The following MINK1 variants were observed in gnomAD, a reference collection of about 807,000 sequenced individuals.
The protein encoded by MINK1 is misshapen-like kinase 1.
Under a neutral mutation model 178.4 loss-of-function variants are expected in MINK1, and 46 were observed. The observed-to-expected ratio is 0.26, with a 90% CI of 0.20 to 0.33. MINK1 has a LOEUF of 0.33. Among genes scored for constraint, MINK1 ranks in the 10% least tolerant of loss-of-function variants. The pLI, the probability that MINK1 is intolerant of heterozygous loss-of-function variation, is 1.00. For missense variants in MINK1, 1,366 were observed against 1,814.9 expected, an observed-to-expected ratio of 0.75 and a Z score of 4.49; for synonymous variants, 797 against 709.7, an observed-to-expected ratio of 1.12 and a Z score of -1.96.
At chr17:4,848,258 C>T (rs1295025365) in intron 1 of MINK1, among the ~76,000 whole-genome samples, 6 of 152,288 alleles carry the variant, frequency 3.9e-5, no homozygotes, top group Middle Eastern at 3.4e-3. Flanking sequence ...TTCCCCATCG[C>T]TCCCTGCAAC....
intron 1 of MINK1, among the ~76,000 whole-genome samples, chr17:4,876,202 C>G (rs7207715): frequency 0.059 from 9,002 of 152,184 alleles, 834 homozygotes; most frequent in African/African-American, 0.2. Flanking sequence ...AGAAGGAACC[C>G]CCTTCAGCTG....
Position 4,877,414 on chromosome 17 carries a change from G to A in MINK1, c.58-903G>A, listed in dbSNP as rs151108785. Among the ~76,000 whole-genome samples the A allele has an allele frequency of 3.7e-4, 57 of 152,248 alleles. 1 individual carries two copies. In the East Asian group the frequency reaches 0.011, roughly 29 times the overall value. On this transcript the variant is annotated intron_variant, in intron 1 of 31. Transcript: ENST00000355280. ...CAGAGGCCCTTTCTCACCATCACCT[G>A]CTGACTCCCTCCGTCCAGGTCCCTT...
rs1027400120 is a variant in MINK1, at chr17:4,887,592, C to T, written c.1032C>T (p.Asn344=). ...CACCCCTGCCCAGCTCCATCATGAA[C>T]GTGCCTGGAGAGTCGACTCTACGCC... The part of the protein sequence containing the change: ...GEEGEPSSIM[N]VPGESTLRRE... Residue 344 remains asparagine, a synonymous_variant, in exon 12 of 32, where the codon AAC becomes AAT. Transcript: ENST00000355280. This position sits in a 1 kb window ranked among gnomAD's most constrained non-coding sequence, Gnocchi z 7.6. The T allele has an allele frequency of 2.6e-6, 4 of 1,532,226 alleles. No individual in the cohort carries two copies. The highest frequency in any genetic ancestry group is 1.4e-5 in the African/African-American group (1 of 71,980). 94.9% of individuals were successfully genotyped at this position (1,532,226 alleles called of 1,614,324 possible).
At chr17:4,847,581 C>G (rs953654016) in intron 1 of MINK1, among the ~76,000 whole-genome samples, 1 of 152,194 alleles carries the variant, frequency 6.6e-6, no homozygotes, top group Non-Finnish European at 1.5e-5. Context: ...AGCCCCCTGT[C>G]ATAGAGGTCA....
intron 1 of MINK1, among the ~76,000 whole-genome samples, chr17:4,871,529 C>G (rs778392616): frequency 5.3e-5 from 8 of 152,022 alleles, no homozygotes; most frequent in Admixed American, 2.0e-4. Context: ...CTTTTTATTG[C>G]CAATATCATT....
intron 1 of MINK1, among the ~76,000 whole-genome samples, chr17:4,847,756 G>A (rs930970770): frequency 6.6e-6 from 1 of 152,110 alleles, no homozygotes; most frequent in South Asian, 2.1e-4. Context: ...CAGGGCGGGT[G>A]GTGTCTCAGA....
intron 1 of MINK1, chr17:4,834,697 G>A (rs1597356163): frequency 3.9e-6 from 2 of 515,786 alleles, no homozygotes; most frequent in Middle Eastern, 4.5e-4. Flanking sequence ...CAGACTATCA[G>A]CCAGGTGGTG....
At position 4,886,070 on chromosome 17, in the gene MINK1, G is replaced by A. The variant is rs780734345; in HGVS notation, c.695-50G>A. ...TGGGACCCTGCCGAGGAAGGGTCCT[G>A]TAGCTCCCAGTGCAGTGAAAGGGAC... On this transcript the variant is annotated intron_variant, in intron 8 of 31. Transcript: ENST00000355280. The surrounding 1 kb of genome is among the most constrained non-coding windows in gnomAD (Gnocchi z 6.1). 8.1e-6 allele frequency: 13 copies of A among 1,610,084 alleles called. 1 individual carries two copies. Among genetic ancestry groups the A allele is most frequent in the Admixed American group, 1.7e-5 (1 of 59,982 alleles).
At chr17:4,862,424 A>T (rs1050958918) in intron 1 of MINK1, among the ~76,000 whole-genome samples, 2 of 152,012 alleles carry the variant, frequency 1.3e-5, no homozygotes, top group Non-Finnish European at 2.9e-5. Context: ...GGAGGCCGAG[A>T]CGGGTGGATC....
intron 4 of MINK1, among the ~76,000 whole-genome samples, chr17:4,883,505 A>G (rs1967911439): frequency 6.7e-6 from 1 of 148,582 alleles, no homozygotes; most frequent in African/African-American, 2.5e-5. Context: ...AGCCCGGCCC[A>G]AAGCAGTAGT....
At chr17:4,854,286 G>A (rs563649907) in intron 1 of MINK1, among the ~76,000 whole-genome samples, 2 of 152,172 alleles carry the variant, frequency 1.3e-5, no homozygotes, top group African/African-American at 4.8e-5. Flanking sequence ...CTCCCTCCAG[G>A]TGTCAGCTGC....
chr17:4,893,794 T>C, intron 21 of MINK1, 194 bp from the exon 22 acceptor site: 1 of 924,310 alleles, frequency 1.1e-6, no homozygotes, highest in Non-Finnish European at 1.6e-6. Flanking sequence ...AGTGCCTGTC[T>C]GCCCCTGTGC....
chr17:4,858,315 C>G (rs1466839418), intron 1 of MINK1, among the ~76,000 whole-genome samples: 1 of 152,062 alleles, frequency 6.6e-6, no homozygotes, highest in Non-Finnish European at 1.5e-5. Flanking sequence ...GCCTCCCAGG[C>G]CAGCTCAGGC....
In MINK1 at chr17:4,861,382, C is replaced by T. The variant is rs149407258; in HGVS notation, c.58-16935C>T. Among the ~76,000 whole-genome samples, 521 of 152,288 alleles carry T rather than the reference C, an allele frequency of 3.4e-3. 2 individuals carry two copies. Among genetic ancestry groups the T allele is most frequent in the Non-Finnish European group, 5.6e-3 (384 of 68,030 alleles). ...AAACAACGCAGGGCACAGTGCCAGG[C>T]GACATCTATTTCGACCCACATGAGG... On this transcript the variant is annotated intron_variant, in intron 1 of 31. Coordinates refer to ENST00000355280, the MANE Select transcript of MINK1 (RefSeq NM_153827.5).
chr17:4,878,031 C>T (rs1037770362), intron 1 of MINK1, among the ~76,000 whole-genome samples: 5 of 151,988 alleles, frequency 3.3e-5, no homozygotes, highest in Non-Finnish European at 5.9e-5. Context: ...AGCATGGTCT[C>T]GATCTCCTGA....
Position 4,894,116 on chromosome 17 carries a change from C to T in MINK1, c.2670+23C>T. 6.2e-7 allele frequency: 1 copy of T among 1,606,312 alleles called. No individual in the cohort carries two copies. Among genetic ancestry groups the T allele is most frequent in the South Asian group, 1.1e-5 (1 of 90,494 alleles). The stretch of plus-strand genomic sequence containing the variant: ...CGCGTGAGTGAGCCTCTGCTCCCTC[C>T]CCTGTACCTGTGTGTGCCCTCCTCA... On this transcript the variant is annotated intron_variant, in intron 22 of 31. Coordinates refer to ENST00000355280, the MANE Select transcript of MINK1 (RefSeq NM_153827.5). This position sits in a 1 kb window ranked among gnomAD's most constrained non-coding sequence, Gnocchi z 4.1.
chr17:4,859,817 A>G (rs1309579114), intron 1 of MINK1, among the ~76,000 whole-genome samples: 1 of 137,654 alleles, frequency 7.3e-6, no homozygotes, highest in Non-Finnish European at 1.6e-5. Flanking sequence ...AAAAAAAAAG[A>G]TGCTGGCTAA....
At chr17:4,891,779 G>A in intron 16 of MINK1, 63 bp downstream of exon 16, 1 of 1,519,114 alleles carries the variant, frequency 6.6e-7, no homozygotes, top group Non-Finnish European at 8.8e-7. Flanking sequence ...AAGGAGGGCA[G>A]TGAAGGGGCA....
At chr17:4,854,454 G>T (rs1912691850) in intron 1 of MINK1, among the ~76,000 whole-genome samples, 1 of 152,176 alleles carries the variant, frequency 6.6e-6, no homozygotes, top group Non-Finnish European at 1.5e-5. Flanking sequence ...CAGTCTCCTT[G>T]CTCCAGGCAG....
Sources: gnomAD v4.1 joint callset for allele counts (sites outside exome capture counted in the v4.1 genomes callset) on GRCh38, gnomAD v4.1.1 for gene constraint, Gnocchi (gnomAD v3.1) non-coding constraint, MANE v1.5 for transcripts, NCBI Gene and HGNC (gene_info 2026-07-23, HGNC 2026-07-21) for gene names.